Variants in LRP1B observed in about 807,000 individuals in gnomAD.
LRP1B encodes the protein low-density lipoprotein receptor-related protein 1B.
LRP1B carries 217 observed loss-of-function variants against 556.6 expected under a neutral mutation model. The observed-to-expected ratio is 0.39, with a 90% CI of 0.35 to 0.44. The LOEUF (loss-of-function observed/expected upper bound fraction) is 0.44, where lower values mean the gene tolerates loss of function less well. Among genes scored for constraint, LRP1B ranks in the 20% least tolerant of loss-of-function variants. LRP1B has a pLI of 1.00. For synonymous variants in LRP1B, 2,047 were observed against 1,865.8 expected (o/e 1.10, Z -2.50); for missense variants, 5,053 against 5,620.8 (o/e 0.90, Z 3.23).
intron 7 of LRP1B, among the ~76,000 whole-genome samples, chr2:141,119,254 G>A (rs1374292620): frequency 6.6e-6 from 1 of 151,812 alleles, no homozygotes; most frequent in Non-Finnish European, 1.5e-5. Flanking sequence ...AGAGAATAAA[G>A]CCTTCTAAAC....
chr2:141,156,216 G>C (rs1702062593), intron 7 of LRP1B, among the ~76,000 whole-genome samples: 1 of 152,096 alleles, frequency 6.6e-6, no homozygotes, highest in Admixed American at 6.6e-5. Context: ...CAGGGTCTAT[G>C]CCAACAGAAA....
At chr2:141,960,757 T>A (rs1701380804) in intron 1 of LRP1B, among the ~76,000 whole-genome samples, 1 of 151,868 alleles carries the variant, frequency 6.6e-6, no homozygotes, top group Admixed American at 6.6e-5. Context: ...TCTGCAAAGA[T>A]TATCTTTCTA....
At chr2:141,291,768 A>G (rs1425064156) in intron 3 of LRP1B, among the ~76,000 whole-genome samples, 1 of 146,362 alleles carries the variant, frequency 6.8e-6, no homozygotes, top group African/African-American at 2.5e-5. Context: ...AGGCAGGAGA[A>G]TGGCGTGAAC....
At chr2:141,239,896 T>G (rs1683800063) in intron 5 of LRP1B, among the ~76,000 whole-genome samples, 1 of 152,054 alleles carries the variant, frequency 6.6e-6, no homozygotes, top group South Asian at 2.1e-4. Flanking sequence ...ATAAGTAAGA[T>G]CACAAATTTC....
intron 1 of LRP1B, among the ~76,000 whole-genome samples, chr2:141,815,979 C>G (rs1276859550): frequency 6.6e-6 from 1 of 152,108 alleles, no homozygotes; most frequent in Non-Finnish European, 1.5e-5. Context: ...AAGGAATCAA[C>G]TAAGAATTTG....
intron 86 of LRP1B, among the ~76,000 whole-genome samples, chr2:140,250,533 TC>T (rs1403134185): frequency 6.6e-6 from 1 of 151,766 alleles, no homozygotes; most frequent in African/African-American, 2.4e-5. Context: ...TTTTTTTTTT[TC>T]CTAGCATTAT....
chr2:141,123,091 G>C (rs1194187891), intron 7 of LRP1B, among the ~76,000 whole-genome samples: 2 of 152,008 alleles, frequency 1.3e-5, no homozygotes, highest in Admixed American at 1.3e-4. Context: ...ACACACCAGG[G>C]CCTGTCATGG....
intron 66 of LRP1B, among the ~76,000 whole-genome samples, chr2:140,431,825 G>A (rs950038199): frequency 6.1e-4 from 93 of 152,108 alleles, no homozygotes; most frequent in African/African-American, 2.1e-3. Flanking sequence ...TCTTCCTTCA[G>A]CTTAATTCCT....
At chr2:141,602,682 A>G (rs897730012) in intron 2 of LRP1B, among the ~76,000 whole-genome samples, 16 of 152,180 alleles carry the variant, frequency 1.1e-4, no homozygotes, top group African/African-American at 2.9e-4. Context: ...TCTGCTTGCC[A>G]GGATACATTG....
intron 2 of LRP1B, among the ~76,000 whole-genome samples, chr2:141,661,841 A>G (rs1378119497): frequency 6.6e-6 from 1 of 152,176 alleles, no homozygotes; most frequent in African/African-American, 2.4e-5. Flanking sequence ...CCCCAGTAAG[A>G]AACTCCATGA....
intron 11 of LRP1B, among the ~76,000 whole-genome samples, chr2:141,043,416 C>T (rs1698766731): frequency 6.6e-6 from 1 of 151,640 alleles, no homozygotes; most frequent in South Asian, 2.1e-4. Context: ...AAATTATCAC[C>T]CTTTTCAACC....
At chr2:141,588,721 C>T (rs950492420) in intron 2 of LRP1B, among the ~76,000 whole-genome samples, 4 of 152,116 alleles carry the variant, frequency 2.6e-5, no homozygotes, top group Non-Finnish European at 4.4e-5. Context: ...TCCCTCTCTA[C>T]ATTACGGATA....
intron 86 of LRP1B, among the ~76,000 whole-genome samples, chr2:140,252,107 A>C (rs934774037): frequency 6.7e-6 from 1 of 149,090 alleles, no homozygotes; most frequent in African/African-American, 2.5e-5. Context: ...AACAAAAAAA[A>C]ACAGAAAAAA....
At chr2:141,649,964 G>C (rs1330199840) in intron 2 of LRP1B, among the ~76,000 whole-genome samples, 1 of 152,198 alleles carries the variant, frequency 6.6e-6, no homozygotes, top group Non-Finnish European at 1.5e-5. Flanking sequence ...TGGATCATCT[G>C]AGGTCAGGAG....
chr2:141,623,219 A>G (rs908728329), intron 2 of LRP1B, among the ~76,000 whole-genome samples: 17 of 152,230 alleles, frequency 1.1e-4, no homozygotes, highest in Non-Finnish European at 1.8e-4. Flanking sequence ...GTTAACTCGC[A>G]TTGTCCATAT....
At chr2:142,128,910 T>G (rs542953166) in intron 1 of LRP1B, among the ~76,000 whole-genome samples, 6 of 152,330 alleles carry the variant, frequency 3.9e-5, no homozygotes, top group African/African-American at 1.4e-4. Flanking sequence ...CTATACAAAA[T>G]TCTCTTCAGA....
chr2:142,058,829 C>T (rs1207226975), intron 1 of LRP1B, among the ~76,000 whole-genome samples: 2 of 152,078 alleles, frequency 1.3e-5, no homozygotes, highest in Non-Finnish European at 2.9e-5. Flanking sequence ...TAACACACAG[C>T]AGAATTAGTA....
At chr2:140,288,103 T>C (rs1177159698) in intron 84 of LRP1B, among the ~76,000 whole-genome samples, 1 of 151,178 alleles carries the variant, frequency 6.6e-6, no homozygotes, top group African/African-American at 2.4e-5. Context: ...CTCCTTTCTC[T>C]CATCTTTATA....
intron 71 of LRP1B, among the ~76,000 whole-genome samples, chr2:140,368,719 C>T (rs1314298245): frequency 6.6e-6 from 1 of 151,772 alleles, no homozygotes; most frequent in Non-Finnish European, 1.5e-5. Context: ...CTCATGTATC[C>T]TGATTGGAAA....
Sources: gnomAD v4.1 joint callset for allele counts (sites outside exome capture counted in the v4.1 genomes callset) on GRCh38, gnomAD v4.1.1 for gene constraint, MANE v1.5 for transcripts, NCBI Gene and HGNC (gene_info 2026-07-23, HGNC 2026-07-21) for gene names.